Variants in ADAMTS16 observed in about 807,000 individuals in gnomAD.
The protein encoded by ADAMTS16 is ADAM metallopeptidase with thrombospondin type 1 motif 16, also known as A disintegrin and metalloproteinase with thrombospondin motifs 16.
Under a neutral mutation model 145.8 loss-of-function variants are expected in ADAMTS16, and 94 were observed. The observed-to-expected ratio is 0.64, with a 90% confidence interval of 0.55 to 0.77. ADAMTS16 has a LOEUF of 0.77. Among genes scored for constraint, ADAMTS16 ranks in the 30% least tolerant of loss-of-function variants. The probability of loss-of-function intolerance (pLI) is 0.00; values close to 1 mark genes in which losing one functional copy is unlikely to be tolerated. For synonymous variants in ADAMTS16, 659 were observed against 604.3 expected (o/e 1.09, Z -1.33); for missense variants, 1,585 against 1,591.5 (o/e 1.00, Z 0.07).
At chr5:5,186,370 C>T (rs1429390954) in intron 5 of ADAMTS16, 119 bp downstream of exon 5, 1 of 908,162 alleles carries the variant, frequency 1.1e-6, no homozygotes, top group Admixed American at 2.3e-5. Flanking sequence ...ATTGATGTTC[C>T]ATATATGAGA....
At chr5:5,145,528 C>A (rs565573349) in intron 2 of ADAMTS16, among the ~76,000 whole-genome samples, 1 of 152,138 alleles carries the variant, frequency 6.6e-6, no homozygotes, top group African/African-American at 2.4e-5. Context: ...CTCCAGACAG[C>A]GGGTTGTTGA....
rs773867274 is a variant in ADAMTS16 at position 5,262,734 on chromosome 5, C to T, written c.2740C>T (p.Arg914Ter). The T allele has an allele frequency of 4.3e-6, 7 of 1,614,114 alleles. No homozygotes were observed. Among genetic ancestry groups the T allele is most frequent in the Admixed American group, 1.7e-5 (1 of 60,010 alleles). Residue 914 changes from arginine to a stop codon, truncating the protein, a stop_gained, in exon 18 of 23, where the codon CGA becomes TGA. Coordinates refer to ENST00000274181, the MANE Select transcript of ADAMTS16 (RefSeq NM_139056.4). LOFTEE classifies it high-confidence loss of function. ...TATGTCCTTCTGCAATCCCAAGACA[C>T]GACCTGTCACGGGGCTGGTGCCTTG... The part of the protein sequence containing the change: ...VNMSFCNPKT[R>*]PVTGLVPCKV...
chr5:5,143,979 G>C (rs746909817), intron 2 of ADAMTS16, among the ~76,000 whole-genome samples: 2 of 99,666 alleles, frequency 2.0e-5, no homozygotes, highest in East Asian at 2.7e-4. Context: ...GGGCTTGTTG[G>C]GGGGTGAGGG....
At position 5,186,096 on chromosome 5, in the gene ADAMTS16, G is replaced by A; in HGVS notation, c.808G>A (p.Glu270Lys). The change falls in exon 5 of 23, where the codon GAG becomes AAG. Residue 270 changes from glutamate (E) to lysine (K), a missense_variant. Physicochemically the swap from Glu to Lys is moderately conservative, Grantham distance 56. Transcript: ENST00000274181. ...GGAAGACCTCTTCATCTTGCCAGATGAGTATAAGTCTTGCTTACGGCATAA... is the reference window on the plus strand; with the variant it reads ...GGAAGACCTCTTCATCTTGCCAGATAAGTATAAGTCTTGCTTACGGCATAA... Reference protein sequence around the residue: ...PKEDLFILPDEYKSCLRHKRS... With the variant: ...PKEDLFILPDKYKSCLRHKRS... The A allele has an allele frequency of 1.9e-6, 3 of 1,614,052 alleles. No homozygotes were observed. The highest frequency in any genetic ancestry group is 2.5e-6 in the Non-Finnish European group (3 of 1,180,030).
chr5:5,313,838 C>G (rs57200184), intron 21 of ADAMTS16, among the ~76,000 whole-genome samples: 1 of 152,222 alleles, frequency 6.6e-6, no homozygotes, highest in African/African-American at 2.4e-5. Context: ...GCTGGGTGAA[C>G]GCTGCGCAGT....
rs576948931 is a variant in ADAMTS16, at chr5:5,145,691, A to G, written c.176-439A>G. On this transcript the variant is annotated intron_variant, in intron 2 of 22. Transcript: ENST00000274181. ...ATATGACTTATTTCATCTGAGAATA[A>G]TTTGATTTCTTAAAGAGTAATCACC... 2.6e-5 allele frequency among the ~76,000 whole-genome samples: 4 copies of G among 152,382 alleles called. No individual in the cohort carries two copies. In the South Asian group the frequency reaches 8.3e-4, roughly 32 times the overall value.
intron 18 of ADAMTS16, among the ~76,000 whole-genome samples, chr5:5,266,733 ACTT>A (rs1738252338): frequency 2.0e-5 from 3 of 152,250 alleles, no homozygotes; most frequent in Non-Finnish European, 2.9e-5. Context: ...TGTTACCCAT[ACTT>A]CTTCTTCAAC....
At chr5:5,238,467 A>G (rs1408123357) in intron 14 of ADAMTS16, among the ~76,000 whole-genome samples, 1 of 152,224 alleles carries the variant, frequency 6.6e-6, no homozygotes, top group African/African-American at 2.4e-5. Context: ...TAGGTCTAAA[A>G]TTTTAATTTT....
chr5:5,164,465 G>T (rs1302343572), intron 3 of ADAMTS16, among the ~76,000 whole-genome samples: 3 of 152,174 alleles, frequency 2.0e-5, no homozygotes, highest in Non-Finnish European at 4.4e-5. Context: ...AAGGAATCTA[G>T]CCCTTCAGTC....
At chr5:5,229,668 A>T (rs1489413998) in intron 11 of ADAMTS16, among the ~76,000 whole-genome samples, 2 of 152,212 alleles carry the variant, frequency 1.3e-5, no homozygotes, top group African/African-American at 4.8e-5. Context: ...AAACTCAAGA[A>T]ACATTTCCAA....
chr5:5,209,408 G>T (rs1257504262), intron 10 of ADAMTS16, among the ~76,000 whole-genome samples, 162 bp downstream of exon 10: 1 of 152,136 alleles, frequency 6.6e-6, no homozygotes, highest in Non-Finnish European at 1.5e-5. Flanking sequence ...TGTTTCACTG[G>T]CAAAGAAGAC....
chr5:5,208,187 G>A (rs746098338), intron 9 of ADAMTS16, among the ~76,000 whole-genome samples: 2 of 151,758 alleles, frequency 1.3e-5, no homozygotes, highest in Non-Finnish European at 2.9e-5. Flanking sequence ...GAGCTCTGAA[G>A]CAGTGGAACG....
intron 8 of ADAMTS16, among the ~76,000 whole-genome samples, chr5:5,198,541 A>T (rs929597515): frequency 3.9e-5 from 6 of 152,170 alleles, no homozygotes; most frequent in Non-Finnish European, 8.8e-5. Flanking sequence ...TTGACTCGGT[A>T]ACCCTGGATG....
At chr5:5,293,203 T>C (rs1040213899) in intron 18 of ADAMTS16, among the ~76,000 whole-genome samples, 1 of 152,198 alleles carries the variant, frequency 6.6e-6, no homozygotes, top group Non-Finnish European at 1.5e-5. Flanking sequence ...TTTCTGATGA[T>C]GGCGCTGGCA....
At chr5:5,300,786 T>C (rs10071930) in intron 18 of ADAMTS16, among the ~76,000 whole-genome samples, 33,800 of 152,084 alleles carry the variant, frequency 0.22, 4,145 homozygotes, top group Admixed American at 0.38. Context: ...GCTCTAAAAT[T>C]ACTTGAGTCA....
intron 10 of ADAMTS16, among the ~76,000 whole-genome samples, chr5:5,216,021 T>A (rs773555140): frequency 5.3e-5 from 8 of 151,316 alleles, no homozygotes; most frequent in Non-Finnish European, 1.2e-4. Flanking sequence ...AGTATCTTTT[T>A]TGAATAATGA....
At chr5:5,153,175 C>A (rs1734518642) in intron 3 of ADAMTS16, among the ~76,000 whole-genome samples, 1 of 152,238 alleles carries the variant, frequency 6.6e-6, no homozygotes, top group Admixed American at 6.5e-5. Flanking sequence ...TTGGTTTCCA[C>A]TTCAGTGCCA....
chr5:5,172,365 T>C (rs1426086586), intron 3 of ADAMTS16, among the ~76,000 whole-genome samples: 1 of 152,082 alleles, frequency 6.6e-6, no homozygotes, highest in Non-Finnish European at 1.5e-5. Flanking sequence ...TTCTACTTTA[T>C]TGATGTAGGC....
chr5:5,250,860 T>C (rs1173692105), intron 17 of ADAMTS16, among the ~76,000 whole-genome samples: 1 of 152,148 alleles, frequency 6.6e-6, no homozygotes, highest in African/African-American at 2.4e-5. Context: ...TAAAACCAAA[T>C]GTCAGCTGCC....
Sources: allele counts gnomAD v4.1 joint callset (sites outside exome capture counted in the v4.1 genomes callset), GRCh38; gene constraint gnomAD v4.1.1; transcripts MANE v1.5; gene names NCBI Gene and HGNC (gene_info 2026-07-23, HGNC 2026-07-21).